Variants in TACC1 observed in about 807,000 individuals in gnomAD.
TACC1 encodes the protein transforming acidic coiled-coil containing protein 1.
In TACC1, 48 loss-of-function variants were observed where a neutral mutation model predicts 84.4. That is an observed-to-expected ratio of 0.57 (90% CI 0.45 to 0.72). The LOEUF is 0.72. TACC1 is among the 30% of genes least tolerant of loss of function. The pLI is 0.00. For synonymous variants in TACC1, 372 were observed against 376.3 expected (o/e 0.99, Z 0.13); for missense variants, 920 against 973.0 (o/e 0.95, Z 0.72).
intron 9 of TACC1, 131 bp from the exon 10 acceptor site, chr8:38,842,156 A>T: frequency 9.7e-7 from 1 of 1,027,502 alleles, no homozygotes; most frequent in Non-Finnish European, 1.4e-6. Flanking sequence ...CCCCAACTAG[A>T]GTATAAGCCA....
intron 12 of TACC1, among the ~76,000 whole-genome samples, chr8:38,847,502 G>C (rs1230685216): frequency 6.6e-6 from 1 of 152,078 alleles, no homozygotes; most frequent in Non-Finnish European, 1.5e-5. Flanking sequence ...TTCCAATTAT[G>C]TACTCATACC....
chr8:38,783,684 G>C (rs1816596471), upstream of TACC1, among the ~76,000 whole-genome samples: 1 of 152,170 alleles, frequency 6.6e-6, no homozygotes, highest in Admixed American at 6.5e-5. Flanking sequence ...GCCTCCCAAA[G>C]TGTGGGATTG....
chr8:38,827,799 G>T, intron 5 of TACC1: 1 of 168,138 alleles, frequency 5.9e-6, no homozygotes, highest in Non-Finnish European at 1.3e-5. Context: ...TGCTTCTGGT[G>T]AGGGACTCAG....
At chr8:38,785,170 G>A (rs553980702), upstream of TACC1, among the ~76,000 whole-genome samples, 1 of 152,124 alleles carries the variant, frequency 6.6e-6, no homozygotes, top group Non-Finnish European at 1.5e-5. Flanking sequence ...CCAGGAATTC[G>A]CAAAGCTCCC....
Position 38,787,700 on chromosome 8 carries a change from G to C in TACC1, c.118G>C (p.Glu40Gln), listed in dbSNP as rs927768248. ...DEAGGPEGDP[E>Q]EEDSQAETKS... is the part of the protein sequence containing the mutation. ...GGCTGGCGGGCCCGAGGGCGACCCC[G>C]AGGAGGAGGATTCGCAAGCCGAGAC... Residue 40 changes from glutamate (E) to glutamine (Q), a missense_variant, in exon 1 of 13, where the codon GAG (glutamate) becomes CAG (glutamine). Coordinates refer to ENST00000317827, the MANE Select transcript of TACC1 (RefSeq NM_006283.3). 6.5e-7 allele frequency: 1 copy of C among 1,537,516 alleles called. No individual in the cohort carries two copies. Among genetic ancestry groups the C allele is most frequent in the Non-Finnish European group, 8.7e-7 (1 of 1,148,392 alleles).
intron 2 of TACC1, among the ~76,000 whole-genome samples, chr8:38,816,596 C>T (rs564303522): frequency 6.6e-6 from 1 of 152,316 alleles, no homozygotes; most frequent in Admixed American, 6.5e-5. Context: ...TAGAACAACT[C>T]ACAGAACTCA....
chr8:38,840,370 A>G (rs1422245610), intron 9 of TACC1, 103 bp downstream of exon 9: 3 of 1,060,294 alleles, frequency 2.8e-6, no homozygotes, highest in African/African-American at 3.2e-5. Context: ...CTTATAAACA[A>G]CAAACATTTT....
intron 7 of TACC1, among the ~76,000 whole-genome samples, chr8:38,836,859 T>G (rs1011345788): frequency 7.2e-5 from 11 of 152,176 alleles, no homozygotes; most frequent in African/African-American, 2.7e-4. Flanking sequence ...GTATTTTGTG[T>G]GTTTGTTTTG....
At chr8:38,739,867 G>A (rs546214418) in intron 1 of TACC1, among the ~76,000 whole-genome samples, 1 of 152,174 alleles carries the variant, frequency 6.6e-6, no homozygotes, top group African/African-American at 2.4e-5. Flanking sequence ...GAAAAACAAA[G>A]TTTCTGCCTG....
At chr8:38,740,512 A>G (rs539550861) in intron 1 of TACC1, among the ~76,000 whole-genome samples, 2 of 152,346 alleles carry the variant, frequency 1.3e-5, no homozygotes, top group African/African-American at 2.4e-5. Context: ...AAGTGGTTAC[A>G]GTATCCATAG....
intron 3 of TACC1, among the ~76,000 whole-genome samples, chr8:38,761,849 G>T (rs1440100973): frequency 4.6e-5 from 7 of 152,212 alleles, no homozygotes; most frequent in African/African-American, 1.7e-4. Context: ...CCAGCCCTGT[G>T]ATGAAAAGGT....
chr8:38,788,001 C>T, intron 1 of TACC1: 1 of 493,948 alleles, frequency 2.0e-6, no homozygotes, highest in South Asian at 2.9e-5. Flanking sequence ...CCCCGCTGGC[C>T]TCGGTCACTT....
chr8:38,835,317 G>A (rs1830020175), intron 6 of TACC1, among the ~76,000 whole-genome samples: 1 of 152,168 alleles, frequency 6.6e-6, no homozygotes, highest in Non-Finnish European at 1.5e-5. Flanking sequence ...CGTCTTTTAG[G>A]AAGGAAAATA....
At chr8:38,830,917 C>A (rs1310291942) in intron 5 of TACC1, among the ~76,000 whole-genome samples, 1 of 152,202 alleles carries the variant, frequency 6.6e-6, no homozygotes, top group Non-Finnish European at 1.5e-5. Context: ...CTGTTTGTGG[C>A]TGACTAACCA....
In TACC1 at chr8:38,820,433, T is replaced by C; in HGVS notation, c.1189T>C (p.Phe397Leu). Reference sequence around the variant, plus strand: ...GTGGGAAAGCCCCAGCTTCAACCCCTTTGGGAGCCACTCTGTTCTGCAGAA... The same window carrying C: ...GTGGGAAAGCCCCAGCTTCAACCCCCTTGGGAGCCACTCTGTTCTGCAGAA... ...SQWESPSFNPFGSHSVLQNSP... is the reference protein window; with the variant it reads ...SQWESPSFNPLGSHSVLQNSP... The change falls in exon 3 of 13, where the codon TTT becomes CTT. Residue 397 changes from phenylalanine (F) to leucine (L), a missense_variant. Physicochemically the swap from Phe to Leu is conservative, Grantham distance 22. This residue lies in a region of TACC1 where 762 missense variants were observed against 747.3 expected (regional missense o/e 1.02). Transcript: ENST00000317827. 6.2e-7 allele frequency: 1 copy of C among 1,614,132 alleles called. No homozygotes were observed. The highest frequency in any genetic ancestry group is 1.6e-4 in the Middle Eastern group (1 of 6,062).
chr8:38,836,069 T>G, intron 6 of TACC1, 93 bp from the exon 7 acceptor site: 1 of 1,518,804 alleles, frequency 6.6e-7, no homozygotes, highest in South Asian at 1.2e-5. Flanking sequence ...TTTTAAAGGA[T>G]GTGATCAATT....
At chr8:38,790,138 G>T (rs1244605882) in intron 2 of TACC1, among the ~76,000 whole-genome samples, 1 of 152,122 alleles carries the variant, frequency 6.6e-6, no homozygotes, top group East Asian at 1.9e-4. Flanking sequence ...GCCTCTGCTG[G>T]GTGTCTGCAA....
Position 38,842,369 on chromosome 8 carries a change from T to A in TACC1, c.2043T>A (p.Leu681=), listed in dbSNP as rs1226612204. The A allele has an allele frequency of 1.2e-6, 2 of 1,614,224 alleles. No homozygotes were observed. The highest frequency in any genetic ancestry group is 1.1e-5 in the South Asian group (1 of 91,088). ...AGAAGGAACAGGCCCTGGCTGACCT[T>A]AACTCTGTGGAAAGGTCCCTTTCTG... ...TMEKEQALAD[L]NSVERSLSDL... The change falls in exon 10 of 13, where the codon CTT becomes CTA. Residue 681 remains leucine, a synonymous_variant. Transcript: ENST00000317827.
chr8:38,753,979 A>C (rs1286788936), intron 3 of TACC1, among the ~76,000 whole-genome samples: 3 of 100,160 alleles, frequency 3.0e-5, no homozygotes, highest in Non-Finnish European at 6.3e-5. Context: ...TTTGAGGCAG[A>C]GTCTTGCTCT....
Sources: gnomAD v4.1 joint callset for allele counts (sites outside exome capture counted in the v4.1 genomes callset) on GRCh38, gnomAD v4.1.1 for gene constraint, gnomAD v4.1.1 regional missense constraint, MANE v1.5 for transcripts, NCBI Gene and HGNC (gene_info 2026-07-23, HGNC 2026-07-21) for gene names.